Variants in FRMPD4 observed in about 807,000 individuals in gnomAD.
FRMPD4 encodes the protein FERM and PDZ domain-containing protein 4.
Under a neutral mutation model 94.1 loss-of-function variants are expected in FRMPD4, and 22 were observed. The ratio of observed to expected loss-of-function variants is 0.23; its 90% CI spans 0.17 to 0.33. FRMPD4 has a LOEUF of 0.33. Ranked by LOEUF, FRMPD4 falls within the 10% of genes least tolerant of loss-of-function variation. The pLI is 1.00. For missense variants in FRMPD4, 1,111 were observed against 1,339.9 expected (o/e 0.83, Z 2.67); for synonymous variants, 631 against 548.6 (o/e 1.15, Z -2.10).
At chrX:12,619,207 C>A (rs1458471345) in intron 4 of FRMPD4, among the ~76,000 whole-genome samples, 1 of 112,009 alleles carries the variant, frequency 8.9e-6, no homozygotes, top group Non-Finnish European at 1.9e-5. Flanking sequence ...ATAGTTATGG[C>A]TATTTATCTA....
intron 1 of FRMPD4, among the ~76,000 whole-genome samples, chrX:12,172,643 C>A (rs956787836): frequency 1.4e-4 from 15 of 110,827 alleles, no homozygotes; most frequent in African/African-American, 4.9e-4. Flanking sequence ...ACTTTGAAAA[C>A]CAAAAAAGAA....
intron 8 of FRMPD4, among the ~76,000 whole-genome samples, chrX:12,691,858 C>T (rs2060083731): frequency 9.1e-6 from 1 of 109,606 alleles, no homozygotes; most frequent in African/African-American, 3.3e-5. Flanking sequence ...GGAGCTGGGA[C>T]ATGTGCCTAC....
At chrX:11,886,840 T>G in intron 3 of FRMPD4, among the ~76,000 whole-genome samples, 1 of 111,074 alleles carries the variant, frequency 9.0e-6, no homozygotes, top group African/African-American at 3.3e-5. Flanking sequence ...GACTCAGAAC[T>G]TTTGTACTAA....
intron 1 of FRMPD4, among the ~76,000 whole-genome samples, chrX:12,385,979 T>C (rs930611992): frequency 8.9e-6 from 1 of 112,577 alleles, no homozygotes; most frequent in Admixed American, 9.4e-5. Context: ...ATTTGGAATG[T>C]GCACAAATAA....
intron 4 of FRMPD4, among the ~76,000 whole-genome samples, chrX:12,626,618 T>C: frequency 1.0e-5 from 1 of 97,468 alleles, no homozygotes; most frequent in Admixed American, 1.2e-4. Context: ...GAGTCTTATC[T>C]TGTATGCCCC....
chrX:11,982,711 AT>A (rs1357498218), intron 3 of FRMPD4, among the ~76,000 whole-genome samples: 2 of 112,127 alleles, frequency 1.8e-5, no homozygotes, highest in African/African-American at 6.4e-5. Flanking sequence ...GTTTAAAAAA[AT>A]CTATTAAAAT....
rs200852817 is a variant in FRMPD4, at chrX:12,027,612, C to CAA, written c.95+149603_95+149604dup. ...AAAATAAGCAACAATAGTCCTGATGCAAAAAAAAAATCAAATAAAAATATT... is the reference window on the plus strand; with the variant it reads ...AAAATAAGCAACAATAGTCCTGATGCAAAAAAAAAAAATCAAATAAAAATATT... On this transcript the variant is annotated intron_variant, in intron 3 of 18. Coordinates refer to the FRMPD4 transcript ENST00000640291. Among the ~76,000 whole-genome samples, 10 of 105,744 alleles carry CAA rather than the reference C, an allele frequency of 9.5e-5. No homozygotes were observed. In the South Asian group the frequency reaches 1.2e-3, roughly 13 times the overall value. The allele number at this position is 105,744 out of a possible 115,157, so 91.8% of individuals were successfully genotyped here.
intron 1 of FRMPD4, among the ~76,000 whole-genome samples, chrX:11,826,180 G>A (rs760844870): frequency 9.0e-6 from 1 of 111,727 alleles, no homozygotes; most frequent in Non-Finnish European, 1.9e-5. Context: ...GATAGTCCAG[G>A]ACTCATCTAA....
chrX:12,451,368 A>C (rs1275230729), intron 1 of FRMPD4, among the ~76,000 whole-genome samples: 2 of 111,892 alleles, frequency 1.8e-5, no homozygotes, highest in Non-Finnish European at 3.8e-5. Context: ...GTTTTGAAGA[A>C]TCTCTTTTGG....
At position 12,716,360 on chromosome X, in the gene FRMPD4, C is replaced by T; in HGVS notation, c.1901C>T (p.Ser634Leu). Residue 634 changes from serine to leucine, a missense_variant, in exon 15 of 17, where the codon TCA becomes TTA. By Grantham distance (145) the Ser-to-Leu change is moderately radical. Coordinates refer to ENST00000675598, the MANE Select transcript of FRMPD4 (RefSeq NM_001368397.1). ...SLAQRSLLTL[S>L]GPETLKKAQE... ...GCTCAGCGGTCCCTATTGACCCTCT[C>T]AGGACCAGAAACTCTGAAGAAAGCA... is the stretch of plus-strand genomic sequence containing the variant. The T allele has an allele frequency of 8.3e-7, 1 of 1,211,719 alleles. No individual in the cohort carries two copies. The highest frequency in any genetic ancestry group is 1.1e-6 in the Non-Finnish European group (1 of 895,287).
intron 13 of FRMPD4, among the ~76,000 whole-genome samples, chrX:12,710,109 C>A (rs1363807200): frequency 1.9e-5 from 2 of 105,350 alleles, no homozygotes; most frequent in African/African-American, 6.9e-5. Flanking sequence ...GTCTCGGCGA[C>A]AGAGCGAGAC....
chrX:12,251,288 C>T (rs1025200653), intron 1 of FRMPD4, among the ~76,000 whole-genome samples: 5 of 111,571 alleles, frequency 4.5e-5, no homozygotes, highest in Non-Finnish European at 9.4e-5. Context: ...CTTCCCTCTC[C>T]ATTCAATTTT....
At position 12,716,170 on chromosome X, in the gene FRMPD4, A is replaced by T; in HGVS notation, c.1711A>T (p.Thr571Ser). 5 of 1,205,618 alleles carry T rather than the reference A, an allele frequency of 4.1e-6. No homozygotes were observed. The highest frequency in any genetic ancestry group is 5.6e-6 in the Non-Finnish European group (5 of 889,965). Residue 571 changes from threonine (T) to serine (S), a missense_variant, in exon 15 of 17, where the codon ACA becomes TCA. Physicochemically the swap from Thr to Ser is moderately conservative, Grantham distance 58. Coordinates refer to ENST00000675598, the MANE Select transcript of FRMPD4 (RefSeq NM_001368397.1). The stretch of plus-strand genomic sequence containing the variant: ...CGAAGGGGAACAAGAAGCCCAGATA[A>T]CATACATAGATTCAAAGCAGAAGAC... The part of the protein sequence containing the change: ...IGEGEQEAQI[T>S]YIDSKQKTVE...
intron 1 of FRMPD4, among the ~76,000 whole-genome samples, chrX:12,143,727 C>T (rs1013550): frequency 0.076 from 8,487 of 111,595 alleles, 273 homozygotes; most frequent in South Asian, 0.091. Context: ...CGGGCACACA[C>T]GTCAAATTGA....
intron 3 of FRMPD4, among the ~76,000 whole-genome samples, chrX:11,985,214 T>C (rs1250377854): frequency 9.0e-6 from 1 of 111,603 alleles, no homozygotes; most frequent in Non-Finnish European, 1.9e-5. Context: ...AGCTCAGCCA[T>C]AGTAGGATAG....
At chrX:12,385,471 C>A (rs748419369) in intron 1 of FRMPD4, among the ~76,000 whole-genome samples, 1 of 112,491 alleles carries the variant, frequency 8.9e-6, no homozygotes, top group East Asian at 2.8e-4. Flanking sequence ...GAATATAGAT[C>A]TTATTCAGTA....
chrX:12,404,561 C>G (rs770803153), intron 1 of FRMPD4, among the ~76,000 whole-genome samples: 1 of 111,584 alleles, frequency 9.0e-6, no homozygotes, highest in East Asian at 2.8e-4. Flanking sequence ...TCCAAATAAC[C>G]CTTTTGGGAA....
rs748421028 is a variant in FRMPD4, at chrX:12,685,558, G to GTT, written c.574-534_574-533dup. Among the ~76,000 whole-genome samples, 483 of 60,119 alleles carry GTT rather than the reference G, an allele frequency of 8.0e-3. 2 individuals are homozygous for GTT. The highest frequency in any genetic ancestry group is 0.031 in the African/African-American group (473 of 15,380). The allele number at this position is 60,119 out of a possible 115,157, so 52.2% of individuals were successfully genotyped here. ...TCCTTATCTTTTCCCTTGGAGTTTT[G>GTT]TTTTTTGTTTTTGTTTTTGTTTTTG... On this transcript the variant is annotated intron_variant, in intron 6 of 16. Transcript: ENST00000675598.
chrX:12,129,673 C>G (rs6639149), intron 3 of FRMPD4, among the ~76,000 whole-genome samples: 9,776 of 111,477 alleles, frequency 0.088, 941 homozygotes, highest in East Asian at 0.59. Flanking sequence ...TGAGGTAGCT[C>G]TGCTATCGTT....
Sources: gnomAD v4.1 joint callset for allele counts (sites outside exome capture counted in the v4.1 genomes callset) on GRCh38, gnomAD v4.1.1 for gene constraint, MANE v1.5 for transcripts, NCBI Gene and HGNC (gene_info 2026-07-23, HGNC 2026-07-21) for gene names.